The following VGF variants were observed in gnomAD, a reference collection of about 807,000 sequenced individuals.
VGF encodes the protein neurosecretory protein VGF.
VGF carries 13 observed loss-of-function variants against 41.1 expected under a neutral mutation model. The ratio of observed to expected loss-of-function variants is 0.32; its 90% confidence interval spans 0.21 to 0.50. VGF has a LOEUF of 0.50. Ranked by LOEUF, VGF falls within the 20% of genes least tolerant of loss-of-function variation. The pLI, the probability that VGF is intolerant of heterozygous loss-of-function variation, is 0.98. For synonymous variants in VGF, 473 were observed against 418.3 expected (o/e 1.13, Z -1.60); for missense variants, 920 against 882.1 (o/e 1.04, Z -0.54).
At chr7:101,167,436 C>T (rs1797238736), upstream of VGF, among the ~76,000 whole-genome samples, 1 of 152,202 alleles carries the variant, frequency 6.6e-6, no homozygotes, top group Admixed American at 6.5e-5. The surrounding 1 kb of genome is among the most constrained non-coding windows in gnomAD (Gnocchi z 4.2). Flanking sequence ...CCCATCCCCA[C>T]GCACAACTAA....
In VGF at chr7:101,164,009, C is replaced by A. The variant is rs1454243567; in HGVS notation, c.835G>T (p.Ala279Ser). The A allele has an allele frequency of 6.8e-7, 1 of 1,473,810 alleles. No homozygotes were observed. Among genetic ancestry groups the A allele is most frequent in the Non-Finnish European group, 8.9e-7 (1 of 1,125,886 alleles). 91.3% of individuals were successfully genotyped at this position (1,473,810 alleles called of 1,614,324 possible). Residue 279 changes from alanine (A) to serine (S), a missense_variant, in exon 2 of 2, where the codon GCG becomes TCG. Physicochemically the swap from Ala to Ser is moderately conservative, Grantham distance 99. This residue lies in a region of VGF where 654 missense variants were observed against 638.4 expected (regional missense o/e 1.02). Coordinates refer to ENST00000249330, the MANE Select transcript of VGF (RefSeq NM_003378.4). ...YQGVAAPFPK[A>S]RRPESALLGG... ...AGGAGTGCGCTCTCCGGCCGGCGCG[C>A]CTTGGGGAACGGGGCGGCCACGCCT...
chr7:101,165,498 G>C lies in VGF; in HGVS notation c.-145C>G, dbSNP rs1036979222. On this transcript the variant is annotated 5_prime_UTR_variant, in exon 1 of 2. Coordinates refer to ENST00000249330, the MANE Select transcript of VGF (RefSeq NM_003378.4). ...GGGTAGGAGCGACGGTCGAGGTCTG[G>C]CGTCCCGTGGGCTGGGCTCAGCTGG... 1.0e-6 allele frequency: 1 copy of C among 985,338 alleles called. No individual in the cohort carries two copies. Among genetic ancestry groups the C allele is most frequent in the African/African-American group, 1.7e-5 (1 of 57,236 alleles). 61.0% of individuals were successfully genotyped at this position (985,338 alleles called of 1,614,324 possible).
At chr7:101,168,098 C>T (rs1231018417), upstream of VGF, among the ~76,000 whole-genome samples, 4 of 151,170 alleles carry the variant, frequency 2.6e-5, no homozygotes, top group South Asian at 2.1e-4. Context: ...TCTGGGCATC[C>T]GCTGGTGTCC....
chr7:101,165,240 C>T (rs1233400365), intron 1 of VGF, 134 bp downstream of exon 1: 6 of 996,278 alleles, frequency 6.0e-6, no homozygotes, highest in Admixed American at 6.0e-5. Flanking sequence ...GCTGCGACTC[C>T]CCCGTTTACC....
At chr7:101,165,939 G>A (rs1797212366), upstream of VGF, among the ~76,000 whole-genome samples, 1 of 152,250 alleles carries the variant, frequency 6.6e-6, no homozygotes, top group East Asian at 1.9e-4. Flanking sequence ...GGGAGGGTGG[G>A]TTGCAGAGCA....
Position 101,163,505 on chromosome 7 carries a change from TCTCCTCGTCGTC to T in VGF, c.1327_1338del (p.Asp443_Glu446del). 1 of 1,612,118 alleles carries T rather than the reference TCTCCTCGTCGTC, an allele frequency of 6.2e-7. No homozygotes were observed. The highest frequency in any genetic ancestry group is 1.7e-4 in the Middle Eastern group (1 of 6,060). ...AGGCTGTCGATCGTCTGCGGATCCA[TCTCCTCGTCGTC>T]CTCCTCCTCCCCGCCCTCCTCTGTC... On this transcript the variant is annotated inframe_deletion, in exon 2 of 2. Coordinates refer to ENST00000249330, the MANE Select transcript of VGF (RefSeq NM_003378.4). This position sits in a 1 kb window ranked among gnomAD's most constrained non-coding sequence, Gnocchi z 5.0.
In VGF at chr7:101,163,190, G is replaced by A. The variant is rs767211598; in HGVS notation, c.1654C>T (p.Pro552Ser). 2 of 1,545,980 alleles carry A rather than the reference G, an allele frequency of 1.3e-6. No homozygotes were observed. Among genetic ancestry groups the A allele is most frequent in the East Asian group, 2.4e-5 (1 of 41,174 alleles). ...PYHPFPNYIR[P>S]RTLQPPSALR... is the part of the protein sequence containing the mutation. Reference sequence around the variant, plus strand: ...GCCGAGGGCGGCTGCAGTGTCCGCGGCCGGATGTAGTTGGGGAAAGGGTGG... The same window carrying A: ...GCCGAGGGCGGCTGCAGTGTCCGCGACCGGATGTAGTTGGGGAAAGGGTGG... Residue 552 changes from proline (P) to serine (S), a missense_variant, in exon 2 of 2, where the codon CCG (proline) becomes TCG (serine). Coordinates refer to ENST00000249330, the MANE Select transcript of VGF (RefSeq NM_003378.4). This position sits in a 1 kb window ranked among gnomAD's most constrained non-coding sequence, Gnocchi z 5.0.
In VGF at chr7:101,165,495, C is replaced by G; in HGVS notation, c.-142G>C. The stretch of plus-strand genomic sequence containing the variant: ...CCGGGGTAGGAGCGACGGTCGAGGT[C>G]TGGCGTCCCGTGGGCTGGGCTCAGC... On this transcript the variant is annotated 5_prime_UTR_variant, in exon 1 of 2. Transcript: ENST00000249330. The G allele has an allele frequency of 2.0e-6, 2 of 985,442 alleles. No individual in the cohort carries two copies. Among genetic ancestry groups the G allele is most frequent in the Non-Finnish European group, 2.4e-6 (2 of 829,954 alleles). The allele number at this position is 985,442 out of a possible 1,614,324, so 61.0% of individuals were successfully genotyped here.
chr7:101,164,528 G>T lies in VGF; in HGVS notation c.316C>A (p.Pro106Thr). 6.3e-7 allele frequency: 1 copy of T among 1,599,026 alleles called. No homozygotes were observed. Residue 106 changes from proline to threonine, a missense_variant, in exon 2 of 2, where the codon CCG becomes ACG. Transcript: ENST00000249330. ...PPAPSGSQQG[P>T]EEEAAEALLT... ...AGAGCTTCAGCTGCTTCTTCCTCCGGCCCCTGCTGGGAGCCGCTTGGTGCC... is the reference window on the plus strand; with the variant it reads ...AGAGCTTCAGCTGCTTCTTCCTCCGTCCCCTGCTGGGAGCCGCTTGGTGCC...
upstream of VGF, among the ~76,000 whole-genome samples, chr7:101,165,789 T>G (rs1229447551): frequency 6.6e-6 from 1 of 151,048 alleles, no homozygotes; most frequent in South Asian, 2.1e-4. Flanking sequence ...CTCCGGGAAA[T>G]GAATGAATGA....
At chr7:101,165,659 A>T (rs2116711030), upstream of VGF, 2 of 985,024 alleles carry the variant, frequency 2.0e-6, no homozygotes, top group Non-Finnish European at 2.4e-6. Context: ...ATGTTCATTC[A>T]TGGGGAAGCG....
upstream of VGF, among the ~76,000 whole-genome samples, chr7:101,166,718 C>G (rs1434002115): frequency 1.5e-5 from 2 of 137,024 alleles, no homozygotes; most frequent in Non-Finnish European, 3.1e-5. Context: ...CAGATTTGCG[C>G]AAAGAGAATC....
At position 101,162,967 on chromosome 7, in the gene VGF, G is replaced by A. The variant is rs1797133328; in HGVS notation, c.*29C>T. The A allele has an allele frequency of 2.5e-6, 3 of 1,190,250 alleles. No individual in the cohort carries two copies. Among genetic ancestry groups the A allele is most frequent in the Admixed American group, 8.3e-5 (2 of 23,990 alleles). The allele number at this position is 1,190,250 out of a possible 1,614,324, so 73.7% of individuals were successfully genotyped here. A position where few individuals can be genotyped will look rare whatever the true frequency, so the allele number is the denominator to read the frequency against. ...GCGCCGGCGCGCGCGCGCGGCGGGG[G>A]CGCGCGGGGGCGGGACCGGGAAGGG... is the stretch of plus-strand genomic sequence containing the variant. On this transcript the variant is annotated 3_prime_UTR_variant, in exon 2 of 2. Coordinates refer to ENST00000249330, the MANE Select transcript of VGF (RefSeq NM_003378.4). This position sits in a 1 kb window ranked among gnomAD's most constrained non-coding sequence, Gnocchi z 4.2.
chr7:101,164,327 T>C lies in VGF; in HGVS notation c.517A>G (p.Ser173Gly), dbSNP rs766902706. ...GCCGTCTCCTGCTGGCGCTTGGCGCTACTTGGACTGAAATCTCGCAGTTCC... is the reference window on the plus strand; with the variant it reads ...GCCGTCTCCTGCTGGCGCTTGGCGCCACTTGGACTGAAATCTCGCAGTTCC... ...LQELRDFSPS[S>G]AKRQQETAAA... Residue 173 changes from serine (S) to glycine (G), a missense_variant, in exon 2 of 2, where the codon AGC (serine) becomes GGC (glycine). Ser to Gly is a moderately conservative substitution (Grantham distance 56, BLOSUM62 0). Coordinates refer to ENST00000249330, the MANE Select transcript of VGF (RefSeq NM_003378.4). The C allele has an allele frequency of 3.7e-6, 6 of 1,611,510 alleles. No homozygotes were observed. The Admixed American group carries it at 1.0e-4, about 27-fold the overall frequency.
Position 101,163,822 on chromosome 7 carries a change from G to T in VGF, c.1022C>A (p.Ala341Asp). 3 of 1,530,586 alleles carry T rather than the reference G, an allele frequency of 2.0e-6. No individual in the cohort carries two copies. Among genetic ancestry groups the T allele is most frequent in the Non-Finnish European group, 2.6e-6 (3 of 1,144,242 alleles). The allele number at this position is 1,530,586 out of a possible 1,614,324, so 94.8% of individuals were successfully genotyped here. The change falls in exon 2 of 2, where the codon GCC becomes GAC. Residue 341 changes from alanine (A) to aspartate (D), a missense_variant. Transcript: ENST00000249330. The surrounding 1 kb of genome is among the most constrained non-coding windows in gnomAD (Gnocchi z 5.0). ...LLLQYLLQGG[A>D]RQRGLGGRGL... ...CCGACCCCCGAGGCCGCGCTGCCGG[G>T]CCCCGCCCTGCAGCAAATACTGGAG...
chr7:101,167,648 G>A (rs1394416220), upstream of VGF, among the ~76,000 whole-genome samples: 1 of 152,204 alleles, frequency 6.6e-6, no homozygotes. The surrounding 1 kb of genome is among the most constrained non-coding windows in gnomAD (Gnocchi z 4.2). Flanking sequence ...AGCCAAGGGG[G>A]CTGACTGAGT....
rs1797176479 is a variant in VGF, at chr7:101,164,291, T to C, written c.553A>G (p.Thr185Ala). 2 of 1,608,046 alleles carry C rather than the reference T, an allele frequency of 1.2e-6. No individual in the cohort carries two copies. The highest frequency in any genetic ancestry group is 4.5e-5 in the East Asian group (2 of 44,820). Residue 185 changes from threonine to alanine, a missense_variant, in exon 2 of 2, where the codon ACG becomes GCG. This residue lies in a region of VGF where 654 missense variants were observed against 638.4 expected (regional missense o/e 1.02). Coordinates refer to ENST00000249330, the MANE Select transcript of VGF (RefSeq NM_003378.4). ...GTCAGCGTGTGCGTGCGGGTTTCCG[T>C]CTCTGCTGCCGCCGTCTCCTGCTGG... ...KRQQETAAAETETRTHTLTRV... is the reference protein window; with the variant it reads ...KRQQETAAAEAETRTHTLTRV...
upstream of VGF, among the ~76,000 whole-genome samples, chr7:101,169,910 G>A (rs181321287): frequency 7.6e-3 from 1,155 of 152,348 alleles, 15 homozygotes; most frequent in African/African-American, 0.027. Flanking sequence ...TCACACGGAC[G>A]AAAACCACCT....
rs1282140045 is a variant in VGF at position 101,163,685 on chromosome 7, C to T, written c.1159G>A (p.Glu387Lys). The change falls in exon 2 of 2, where the codon GAG becomes AAG. Residue 387 changes from glutamate (E) to lysine (K), a missense_variant. By Grantham distance (56) the Glu-to-Lys change is moderately conservative. Transcript: ENST00000249330. The surrounding 1 kb of genome is among the most constrained non-coding windows in gnomAD (Gnocchi z 5.0). Reference protein sequence around the residue: ...RVGEEDEEAAEAEAEAEEAER... With the variant: ...RVGEEDEEAAKAEAEAEEAER... ...GCCTCCTCCGCCTCTGCCTCCGCCT[C>T]GGCCGCCTCCTCATCCTCTTCCCCC... 3.9e-6 allele frequency: 6 copies of T among 1,537,184 alleles called. No individual in the cohort carries two copies. The highest frequency in any genetic ancestry group is 5.2e-6 in the Non-Finnish European group (6 of 1,146,940).
Sources: gnomAD v4.1 joint callset for allele counts (sites outside exome capture counted in the v4.1 genomes callset) on GRCh38, gnomAD v4.1.1 for gene constraint, gnomAD v4.1.1 regional missense constraint, Gnocchi (gnomAD v3.1) non-coding constraint, MANE v1.5 for transcripts, NCBI Gene and HGNC (gene_info 2026-07-23, HGNC 2026-07-21) for gene names.